The following MSX1 variants were observed in gnomAD, a reference collection of about 807,000 sequenced individuals.
MSX1 encodes the protein homeobox protein MSX-1.
A neutral mutation model predicts 17.0 loss-of-function variants in MSX1; 11 were observed. The observed-to-expected ratio is 0.65, with a 90% CI of 0.41 to 1.07. The LOEUF (loss-of-function observed/expected upper bound fraction) is 1.07. MSX1 is among the 50% of genes least tolerant of loss of function. The pLI is 0.00. For synonymous variants in MSX1, 253 were observed against 211.8 expected (o/e 1.19, Z -1.69); for missense variants, 477 against 440.1 (o/e 1.08, Z -0.75).
In MSX1 at chr4:4,860,348, G is replaced by T. The variant is rs1737885237; in HGVS notation, c.449G>T (p.Arg150Leu). 2 of 1,603,988 alleles carry T rather than the reference G, an allele frequency of 1.2e-6. No individual in the cohort carries two copies. Among genetic ancestry groups the T allele is most frequent in the African/African-American group, 2.7e-5 (2 of 74,852 alleles). Residue 150 changes from arginine to leucine, a missense_variant, in exon 1 of 2, where the codon CGC becomes CTC. By Grantham distance (102) the Arg-to-Leu change is moderately radical. Around this residue, in one of 3 missense-constraint regions of MSX1, gnomAD observed 355 missense variants for 306.1 expected, o/e 1.16. Coordinates refer to ENST00000382723, the MANE Select transcript of MSX1 (RefSeq NM_002448.3). Reference sequence around the variant, plus strand: ...AGGACCCCGTGGATGCAGAGCCCCCGCTTCTCCCCGCCGCCGGCCAGTGAG... The same window carrying T: ...AGGACCCCGTGGATGCAGAGCCCCCTCTTCTCCCCGCCGCCGGCCAGTGAG... ...PERTPWMQSP[R>L]FSPPPARRLS... is the part of the protein sequence containing the mutation.
chr4:4,863,076 C>G lies in MSX1; in HGVS notation c.845C>G (p.Ala282Gly). 1 of 1,608,666 alleles carries G rather than the reference C, an allele frequency of 6.2e-7. No homozygotes were observed. The highest frequency in any genetic ancestry group is 8.5e-7 in the Non-Finnish European group (1 of 1,178,386). ...GCCTCTGGCCCCTTCCAGCGCGCCG[C>G]GCTGCCTGTGGCGCCCGTGGGACTC... ...YGASGPFQRA[A>G]LPVAPVGLYT... Residue 282 changes from alanine to glycine, a missense_variant, in exon 2 of 2, where the codon GCG becomes GGG. Around this residue, in one of 3 missense-constraint regions of MSX1, gnomAD observed 114 missense variants for 106.3 expected, o/e 1.07. Transcript: ENST00000382723.
Position 4,863,552 on chromosome 4 carries a change from C to CAAAAAAAAAAAAAAAAAAAAAAAA in MSX1, c.*422_*445dup, listed in dbSNP as rs33949394. 1.9e-4 allele frequency: 8 copies of CAAAAAAAAAAAAAAAAAAAAAAAA among 42,122 alleles called. 2 individuals carry two copies. Among genetic ancestry groups the CAAAAAAAAAAAAAAAAAAAAAAAA allele is most frequent in the Non-Finnish European group, 3.0e-4 (7 of 23,380 alleles). 2.6% of individuals were successfully genotyped at this position (42,122 alleles called of 1,614,324 possible). ...ACGATTTTGGAAATGAGAACAATCT[C>CAAAAAAAAAAAAAAAAAAAAAAAA]AAAAAAAAAAAAAAAAAAAAAAAAA... On this transcript the variant is annotated 3_prime_UTR_variant, in exon 2 of 2. Transcript: ENST00000382723.
intron 1 of MSX1, 93 bp downstream of exon 1, chr4:4,860,461 T>C: frequency 6.8e-7 from 1 of 1,462,872 alleles, no homozygotes. Context: ...CTCCGGCGCC[T>C]GCGTACCTGC....
chr4:4,862,633 T>G, intron 1 of MSX1, 68 bp from the exon 2 acceptor site: 1 of 1,571,066 alleles, frequency 6.4e-7, no homozygotes, highest in Non-Finnish European at 8.7e-7. Context: ...TTATTACTAC[T>G]TCTTGGGCTG....
chr4:4,862,831 C>T lies in MSX1; in HGVS notation c.600C>T (p.Ala200=). The T allele has an allele frequency of 6.2e-7, 1 of 1,613,818 alleles. No individual in the cohort carries two copies. Among genetic ancestry groups the T allele is most frequent in the East Asian group, 2.2e-5 (1 of 44,882 alleles). The part of the protein sequence containing the change: ...KFRQKQYLSI[A]ERAEFSSSLS... ...GCCAGAAGCAGTACCTGTCCATCGC[C>T]GAGCGCGCGGAGTTCTCCAGCTCGC... The change falls in exon 2 of 2, where the codon GCC becomes GCT. Residue 200 remains alanine, a synonymous_variant. Coordinates refer to ENST00000382723, the MANE Select transcript of MSX1 (RefSeq NM_002448.3).
rs35106909 is a variant in MSX1, at chr4:4,863,273, C to T, written c.*130C>T. ...CCCTCACACTGCTCCAGTTTCACCT[C>T]TTTGCTCCCTGAGTTCACTCTCCGA... On this transcript the variant is annotated 3_prime_UTR_variant, in exon 2 of 2. Coordinates refer to ENST00000382723, the MANE Select transcript of MSX1 (RefSeq NM_002448.3). The T allele has an allele frequency of 1.0e-6, 1 of 986,972 alleles. No individual in the cohort carries two copies. Among genetic ancestry groups the T allele is most frequent in the Non-Finnish European group, 1.5e-6 (1 of 664,316 alleles). 61.1% of individuals were successfully genotyped at this position (986,972 alleles called of 1,614,324 possible). A position where few individuals can be genotyped will look rare whatever the true frequency, so the allele number is the denominator to read the frequency against.
intron 1 of MSX1, 55 bp from the exon 2 acceptor site, chr4:4,862,646 C>A: frequency 6.3e-7 from 1 of 1,589,756 alleles, no homozygotes; most frequent in Non-Finnish European, 8.6e-7. Context: ...TTGGGCTGAT[C>A]ATGCTCCAAT....
Position 4,863,241 on chromosome 4 carries a change from C to T in MSX1, c.*98C>T. The T allele has an allele frequency of 8.0e-7, 1 of 1,255,088 alleles. No homozygotes were observed. Among genetic ancestry groups the T allele is most frequent in the Non-Finnish European group, 1.1e-6 (1 of 896,792 alleles). The allele number at this position is 1,255,088 out of a possible 1,614,324, so 77.7% of individuals were successfully genotyped here. A position where few individuals can be genotyped will look rare whatever the true frequency, so the allele number is the denominator to read the frequency against. On this transcript the variant is annotated 3_prime_UTR_variant, in exon 2 of 2. Transcript: ENST00000382723. ...CTGCTCGGCACCGCCAGCCGCCTTCCCTTTAACCCTCACACTGCTCCAGTT... is the reference window on the plus strand; with the variant it reads ...CTGCTCGGCACCGCCAGCCGCCTTCTCTTTAACCCTCACACTGCTCCAGTT...
chr4:4,863,552 C>CAAAAAAAAAAAAAAAAA lies in MSX1; in HGVS notation c.*429_*445dup, dbSNP rs33949394. On this transcript the variant is annotated 3_prime_UTR_variant, in exon 2 of 2. Transcript: ENST00000382723. ...ACGATTTTGGAAATGAGAACAATCT[C>CAAAAAAAAAAAAAAAAA]AAAAAAAAAAAAAAAAAAAAAAAAA... 2.4e-3 allele frequency: 100 copies of CAAAAAAAAAAAAAAAAA among 42,122 alleles called. 21 individuals are homozygous for CAAAAAAAAAAAAAAAAA. The highest frequency in any genetic ancestry group is 4.5e-3 in the South Asian group (3 of 662). 2.6% of individuals were successfully genotyped at this position (42,122 alleles called of 1,614,324 possible). A position where few individuals can be genotyped will look rare whatever the true frequency, so the allele number is the denominator to read the frequency against.
At position 4,859,912 on chromosome 4, in the gene MSX1, G is replaced by C; in HGVS notation, c.13G>C (p.Ala5Pro). The C allele has an allele frequency of 6.7e-7, 1 of 1,495,836 alleles. No homozygotes were observed. The highest frequency in any genetic ancestry group is 2.3e-5 in the Admixed American group (1 of 44,020). 92.7% of individuals were successfully genotyped at this position (1,495,836 alleles called of 1,614,324 possible). A position where few individuals can be genotyped will look rare whatever the true frequency, so the allele number is the denominator to read the frequency against. Residue 5 changes from alanine (A) to proline (P), a missense_variant, in exon 1 of 2, where the codon GCT becomes CCT. This residue lies in a region of MSX1 where 355 missense variants were observed against 306.1 expected (regional missense o/e 1.16). Coordinates refer to ENST00000382723, the MANE Select transcript of MSX1 (RefSeq NM_002448.3). ...GGCCCGGCTCTGCATGGCCCCGGCTGCTGACATGACTTCTTTGCCACTCGG... is the reference window on the plus strand; with the variant it reads ...GGCCCGGCTCTGCATGGCCCCGGCTCCTGACATGACTTCTTTGCCACTCGG... MAPA[A>P]DMTSLPLGVK...
Position 4,859,755 on chromosome 4 carries a change from T to G in MSX1, c.-145T>G. On this transcript the variant is annotated 5_prime_UTR_variant, in exon 1 of 2. Coordinates refer to ENST00000382723, the MANE Select transcript of MSX1 (RefSeq NM_002448.3). ...GCCCAGCACGCCGGAGCTGGCCTGC[T>G]GGGGAGGGGCGGGAGGCGCGCGCGG... is the stretch of plus-strand genomic sequence containing the variant. 1 of 457,996 alleles carries G rather than the reference T, an allele frequency of 2.2e-6. No homozygotes were observed. The allele number at this position is 457,996 out of a possible 1,614,324, so 28.4% of individuals were successfully genotyped here.
At position 4,862,694 on chromosome 4, in the gene MSX1, C is replaced by T. The variant is rs754340441; in HGVS notation, c.470-7C>T. ...ACCCCTTGCTTTTTTTTTCTTTCGG[C>T]CCTCAGGGCGGCTGAGCCCCCCAGC... On this transcript the variant is annotated splice_region_variant and splice_polypyrimidine_tract_variant and intron_variant, in intron 1 of 1. Coordinates refer to ENST00000382723, the MANE Select transcript of MSX1 (RefSeq NM_002448.3). The T allele has an allele frequency of 2.5e-5, 40 of 1,611,128 alleles. No individual in the cohort carries two copies. Among genetic ancestry groups the T allele is most frequent in the Non-Finnish European group, 3.3e-5 (39 of 1,179,800 alleles).
chr4:4,861,896 AACACACAC>A (rs3836612), intron 1 of MSX1, among the ~76,000 whole-genome samples: 17 of 150,760 alleles, frequency 1.1e-4, no homozygotes, highest in East Asian at 9.8e-4. Context: ...CAACAACATC[AACACACAC>A]ACACACACAC....
rs1288968982 is a variant in MSX1 at position 4,859,887 on chromosome 4, G to A, written c.-13G>A. ...TGGCCAGTGCTGCGGCAGAAGGGGG[G>A]GCCCGGCTCTGCATGGCCCCGGCTG... On this transcript the variant is annotated 5_prime_UTR_variant, in exon 1 of 2. Transcript: ENST00000382723. 1 of 1,479,456 alleles carries A rather than the reference G, an allele frequency of 6.8e-7. No individual in the cohort carries two copies. The highest frequency in any genetic ancestry group is 2.4e-5 in the Admixed American group (1 of 41,910). 91.6% of individuals were successfully genotyped at this position (1,479,456 alleles called of 1,614,324 possible).
At position 4,859,845 on chromosome 4, in the gene MSX1, A is replaced by G; in HGVS notation, c.-55A>G. 2 of 1,395,878 alleles carry G rather than the reference A, an allele frequency of 1.4e-6. No homozygotes were observed. Among genetic ancestry groups the G allele is most frequent in the African/African-American group, 1.5e-5 (1 of 65,868 alleles). The allele number at this position is 1,395,878 out of a possible 1,614,324, so 86.5% of individuals were successfully genotyped here. Reference sequence around the variant, plus strand: ...CCGGCCGCGCTCCCAGCCCGCCCGGAGCCCATGCCCGGCGGCTGGCCAGTG... The same window carrying G: ...CCGGCCGCGCTCCCAGCCCGCCCGGGGCCCATGCCCGGCGGCTGGCCAGTG... On this transcript the variant is annotated 5_prime_UTR_variant, in exon 1 of 2. Transcript: ENST00000382723.
At chr4:4,860,497 G>A (rs1737890527) in intron 1 of MSX1, 129 bp downstream of exon 1, 2 of 1,188,336 alleles carry the variant, frequency 1.7e-6, no homozygotes, top group Non-Finnish European at 2.4e-6. Context: ...GCCGTGGGCT[G>A]CAAGGCCGGG....
chr4:4,861,281 G>A (rs866548511), intron 1 of MSX1, among the ~76,000 whole-genome samples: 1 of 152,396 alleles, frequency 6.6e-6, no homozygotes, highest in Middle Eastern at 3.4e-3. Flanking sequence ...CCCGCTCTGG[G>A]TTGTCGCCGC....
intron 1 of MSX1, among the ~76,000 whole-genome samples, chr4:4,860,700 C>T (rs1490015721): frequency 6.6e-6 from 1 of 152,226 alleles, no homozygotes; most frequent in Admixed American, 6.5e-5. Flanking sequence ...CGGCTTCACC[C>T]CAGCGGATGA....
In MSX1 at chr4:4,862,906, C is replaced by T; in HGVS notation, c.675C>T (p.Ala225=). The T allele has an allele frequency of 6.2e-7, 1 of 1,613,592 alleles. No individual in the cohort carries two copies. Among genetic ancestry groups the T allele is most frequent in the Admixed American group, 1.7e-5 (1 of 60,032 alleles). The change falls in exon 2 of 2, where the codon GCC becomes GCT. Residue 225 remains alanine, a synonymous_variant. Coordinates refer to ENST00000382723, the MANE Select transcript of MSX1 (RefSeq NM_002448.3). Reference sequence around the variant, plus strand: ...AGATATGGTTCCAGAACCGCCGCGCCAAGGCAAAGAGACTACAAGAGGCAG... The same window carrying T: ...AGATATGGTTCCAGAACCGCCGCGCTAAGGCAAAGAGACTACAAGAGGCAG... The part of the protein sequence containing the change: ...QVKIWFQNRR[A]KAKRLQEAEL...
Sources: gnomAD v4.1 joint callset for allele counts (sites outside exome capture counted in the v4.1 genomes callset) on GRCh38, gnomAD v4.1.1 for gene constraint, gnomAD v4.1.1 regional missense constraint, MANE v1.5 for transcripts, NCBI Gene and HGNC (gene_info 2026-07-23, HGNC 2026-07-21) for gene names.